The following LAMP2 variants were observed in gnomAD, a reference collection of about 807,000 sequenced individuals.
The protein encoded by LAMP2 is lysosome associated membrane protein 2, also known as lysosome-associated membrane glycoprotein 2.
In LAMP2, 4 loss-of-function variants were observed where a neutral mutation model predicts 25.6. The observed-to-expected ratio is 0.16, with a 90% CI of 0.08 to 0.36. The LOEUF (loss-of-function observed/expected upper bound fraction) is 0.36, where lower values mean the gene tolerates loss of function less well. Among genes scored for constraint, LAMP2 ranks in the 10% least tolerant of loss-of-function variants. The pLI is 1.00. For synonymous variants in LAMP2, 108 were observed against 112.7 expected, an observed-to-expected ratio of 0.96 and a Z score of 0.27; for missense variants, 272 against 301.4, an observed-to-expected ratio of 0.90 and a Z score of 0.72.
At position 120,455,437 on chromosome X, in the gene LAMP2, G is replaced by T; in HGVS notation, c.317C>A (p.Ala106Glu). The T allele has an allele frequency of 8.3e-7, 1 of 1,210,283 alleles. No individual in the cohort carries two copies. Among genetic ancestry groups the T allele is most frequent in the Non-Finnish European group, 1.1e-6 (1 of 894,375 alleles). The change falls in exon 3 of 9, where the codon GCA (alanine) becomes GAA (glutamate). Residue 106 changes from alanine to glutamate, a missense_variant. Ala to Glu is a moderately radical substitution (Grantham distance 107, BLOSUM62 -1). Coordinates refer to ENST00000200639, the MANE Select transcript of LAMP2 (RefSeq NM_002294.3). ...FSWIANFTKA[A>E]STYSIDSVSF... ...GACGCTGTCAATTGAATAAGTAGATGCTGCCTTGGTAAAATTCGCAATCCA... is the reference window on the plus strand; with the variant it reads ...GACGCTGTCAATTGAATAAGTAGATTCTGCCTTGGTAAAATTCGCAATCCA...
At chrX:120,434,719 A>C (rs2058535922) in intron 8 of LAMP2, among the ~76,000 whole-genome samples, 1 of 112,455 alleles carries the variant, frequency 8.9e-6, no homozygotes, top group Admixed American at 9.5e-5. Context: ...TAGATTAAAA[A>C]TGCTGTTAAT....
intron 1 of LAMP2, among the ~76,000 whole-genome samples, chrX:120,468,585 G>T (rs747724690): frequency 1.8e-5 from 2 of 110,444 alleles, no homozygotes; most frequent in African/African-American, 3.3e-5. Flanking sequence ...CTGCCCCTCA[G>T]GCTCTACTGT....
Position 120,430,261 on chromosome X carries a change from T to C in LAMP2, c.*1062A>G, listed in dbSNP as rs955333158. 9.3e-6 allele frequency: 7 copies of C among 753,306 alleles called. No homozygotes were observed. In the African/African-American group the frequency reaches 1.2e-4, roughly 12 times the overall value. The allele number at this position is 753,306 out of a possible 1,213,427, so 62.1% of individuals were successfully genotyped here. A position where few individuals can be genotyped will look rare whatever the true frequency, so the allele number is the denominator to read the frequency against. On this transcript the variant is annotated 3_prime_UTR_variant, in exon 9 of 9. Transcript: ENST00000200639. ...TATGCTTCAACAAGGGCTGATTATC[T>C]AGCTCATTTTAATGCCAACAGCTTC... is the stretch of plus-strand genomic sequence containing the variant.
Position 120,428,455 on chromosome X carries a change from A to G in LAMP2, c.*2868T>C. On this transcript the variant is annotated 3_prime_UTR_variant, in exon 9 of 9. Coordinates refer to ENST00000200639, the MANE Select transcript of LAMP2 (RefSeq NM_002294.3). ...AATGGAAACGTAACTTCTAATTGAA[A>G]AAAACAAACAAACACTAGATTTAAC... 1 of 1,148,387 alleles carries G rather than the reference A, an allele frequency of 8.7e-7. No individual in the cohort carries two copies. The highest frequency in any genetic ancestry group is 1.2e-6 in the Non-Finnish European group (1 of 868,029). The allele number at this position is 1,148,387 out of a possible 1,213,427, so 94.6% of individuals were successfully genotyped here. A position where few individuals can be genotyped will look rare whatever the true frequency, so the allele number is the denominator to read the frequency against.
intron 1 of LAMP2, among the ~76,000 whole-genome samples, chrX:120,467,260 G>A (rs779695856): frequency 1.8e-5 from 2 of 112,183 alleles, no homozygotes; most frequent in African/African-American, 3.2e-5. Context: ...TATGGTTTTC[G>A]AGCAGGATTT....
At chrX:120,444,952 T>A (rs2058589919) in intron 6 of LAMP2, among the ~76,000 whole-genome samples, 1 of 112,203 alleles carries the variant, frequency 8.9e-6, no homozygotes, top group Non-Finnish European at 1.9e-5. Flanking sequence ...ATGATTAAAA[T>A]GTCACTATTT....
chrX:120,451,868 A>C (rs889869211), intron 3 of LAMP2, among the ~76,000 whole-genome samples: 2 of 112,395 alleles, frequency 1.8e-5, no homozygotes, highest in Non-Finnish European at 3.7e-5. Flanking sequence ...ATATTATTAT[A>C]TAGAAGGTAG....
intron 8 of LAMP2, among the ~76,000 whole-genome samples, chrX:120,432,604 G>C (rs1291183329): frequency 9.0e-6 from 1 of 111,438 alleles, no homozygotes; most frequent in Non-Finnish European, 1.9e-5. Flanking sequence ...TTGACCAAAC[G>C]GATGTAGGGG....
At position 120,426,386 on chromosome X, in the gene LAMP2, G is replaced by C. The variant is rs2058499130; in HGVS notation, c.*4937C>G. On this transcript the variant is annotated 3_prime_UTR_variant, in exon 9 of 9. Coordinates refer to ENST00000200639, the MANE Select transcript of LAMP2 (RefSeq NM_002294.3). ...GTACTGTCTGATCCACTGTTGTATT[G>C]ACATAAAATTGAACTCAGTAGGCAA... Among the ~76,000 whole-genome samples the C allele has an allele frequency of 9.2e-6, 1 of 108,808 alleles. No individual in the cohort carries two copies. The highest frequency in any genetic ancestry group is 4.0e-4 in the South Asian group (1 of 2,474). 94.5% of individuals were successfully genotyped at this position (108,808 alleles called of 115,157 possible). A position where few individuals can be genotyped will look rare whatever the true frequency, so the allele number is the denominator to read the frequency against.
rs1034519722 is a variant in LAMP2, at chrX:120,428,867, G to A, written c.*2456C>T. The stretch of plus-strand genomic sequence containing the variant: ...GGAAGGGTCCAAAATAGAGAATTGC[G>A]CTTGCCTAATATGGGAAGACTTTAG... On this transcript the variant is annotated 3_prime_UTR_variant, in exon 9 of 9. Transcript: ENST00000200639. 30 of 748,628 alleles carry A rather than the reference G, an allele frequency of 4.0e-5. No individual in the cohort carries two copies. Among genetic ancestry groups the A allele is most frequent in the Non-Finnish European group, 4.7e-5 (30 of 636,728 alleles). 61.7% of individuals were successfully genotyped at this position (748,628 alleles called of 1,213,427 possible).
rs41312757 is a variant in LAMP2, at chrX:120,430,737, T to C, written c.*586A>G. 3,009 of 753,524 alleles carry C rather than the reference T, an allele frequency of 4.0e-3. 3 individuals are homozygous for C. Among genetic ancestry groups the C allele is most frequent in the Non-Finnish European group, 4.5e-3 (2,888 of 639,466 alleles). The allele number at this position is 753,524 out of a possible 1,213,427, so 62.1% of individuals were successfully genotyped here. On this transcript the variant is annotated 3_prime_UTR_variant, in exon 9 of 9. Transcript: ENST00000200639. ...TACTAACTTCATGCTTAACTTGAAC[T>C]CAGAGAAATCAGCAAAAGTCACATA...
chrX:120,455,633 T>A (rs918631969), intron 2 of LAMP2, 63 bp from the exon 3 acceptor site: 18 of 873,427 alleles, frequency 2.1e-5, no homozygotes, highest in Non-Finnish European at 2.9e-5. Flanking sequence ...CAAGCATTTA[T>A]GTAGGGCATG....
chrX:120,438,911 T>C (rs765266884), intron 8 of LAMP2: 11 of 971,061 alleles, frequency 1.1e-5, no homozygotes, highest in Admixed American at 4.7e-5. Flanking sequence ...ATAGAACTTA[T>C]AATCCAGTGA....
intron 1 of LAMP2, among the ~76,000 whole-genome samples, chrX:120,465,315 T>TAAAA (rs778100590): frequency 7.6e-5 from 6 of 79,116 alleles, no homozygotes; most frequent in Non-Finnish European, 1.3e-4. Context: ...TTCTGAACCC[T>TAAAA]AAAAAAACAA....
rs182881456 is a variant in LAMP2 at position 120,449,856 on chromosome X, A to G, written c.398-728T>C. 6.8e-4 allele frequency among the ~76,000 whole-genome samples: 76 copies of G among 111,490 alleles called. 1 individual carries two copies. In the East Asian group the frequency reaches 0.017, roughly 25 times the overall value. On this transcript the variant is annotated intron_variant, in intron 3 of 8. Coordinates refer to ENST00000200639, the MANE Select transcript of LAMP2 (RefSeq NM_002294.3). ...GGGGGAAAAACTTTTCAGGGAAGCCACTTAAGAGGGAAACCAGAGGGTGAT... is the reference window on the plus strand; with the variant it reads ...GGGGGAAAAACTTTTCAGGGAAGCCGCTTAAGAGGGAAACCAGAGGGTGAT...
intron 3 of LAMP2, among the ~76,000 whole-genome samples, chrX:120,454,896 G>GAT (rs2058637490): frequency 1.9e-5 from 1 of 51,894 alleles, no homozygotes; most frequent in Non-Finnish European, 3.5e-5. Flanking sequence ...TGTATACTAG[G>GAT]AGATATATAT....
intron 1 of LAMP2, among the ~76,000 whole-genome samples, chrX:120,466,207 A>G (rs1439890637): frequency 8.9e-6 from 1 of 111,961 alleles, no homozygotes; most frequent in Non-Finnish European, 1.9e-5. Context: ...TTGCATGTTT[A>G]TTTTCTGCAG....
At position 120,429,017 on chromosome X, in the gene LAMP2, ATAAG is replaced by A. The variant is rs2058510643; in HGVS notation, c.*2302_*2305del. The A allele has an allele frequency of 6.4e-6, 4 of 624,322 alleles. No homozygotes were observed. The African/African-American group carries it at 1.0e-4, about 16-fold the overall frequency. The allele number at this position is 624,322 out of a possible 1,213,427, so 51.5% of individuals were successfully genotyped here. A position where few individuals can be genotyped will look rare whatever the true frequency, so the allele number is the denominator to read the frequency against. ...ATTAAAGTATAAATAAGAATTCTGTATAAGTAATAAAATTTAAGTTAAAAAAGAC... is the reference window on the plus strand; with the variant it reads ...ATTAAAGTATAAATAAGAATTCTGTATAATAAAATTTAAGTTAAAAAAGAC... On this transcript the variant is annotated 3_prime_UTR_variant, in exon 9 of 9. Coordinates refer to ENST00000200639, the MANE Select transcript of LAMP2 (RefSeq NM_002294.3).
At chrX:120,450,885 T>C (rs1034450367) in intron 3 of LAMP2, among the ~76,000 whole-genome samples, 2 of 109,803 alleles carry the variant, frequency 1.8e-5, no homozygotes, top group African/African-American at 6.6e-5. Flanking sequence ...TATATGTATA[T>C]GTAGAGCCTT....
Sources: gnomAD v4.1 joint callset for allele counts (sites outside exome capture counted in the v4.1 genomes callset) on GRCh38, gnomAD v4.1.1 for gene constraint, MANE v1.5 for transcripts, NCBI Gene and HGNC (gene_info 2026-07-23, HGNC 2026-07-21) for gene names.